The following TRIM67 variants were observed in gnomAD, a reference collection of about 807,000 sequenced individuals.
The protein encoded by TRIM67 is tripartite motif containing 67.
A neutral mutation model predicts 71.0 loss-of-function variants in TRIM67; 39 were observed. That is an observed-to-expected ratio of 0.55 (90% CI 0.43 to 0.72). TRIM67 has a LOEUF of 0.72. TRIM67 is among the 30% of genes least tolerant of loss of function. The pLI is 0.00. For synonymous variants in TRIM67, 481 were observed against 473.9 expected, an observed-to-expected ratio of 1.01 and a Z score of -0.19; for missense variants, 973 against 1,079.2, an observed-to-expected ratio of 0.90 and a Z score of 1.38.
Position 231,163,617 on chromosome 1 carries a change from A to G in TRIM67, c.648A>G (p.Pro216=), listed in dbSNP as rs1571863712. The change falls in exon 1 of 10, where the codon CCA becomes CCG. Residue 216 remains proline (P), a synonymous_variant. Coordinates refer to ENST00000366653, the MANE Select transcript of TRIM67 (RefSeq NM_001004342.5). ...AICQLCDRTP[P]EPAATLCEQC... ...GCCAGCTGTGCGACCGCACCCCGCC[A>G]GAGCCAGCAGCCACGCTCTGCGAGC... 1.3e-6 allele frequency: 2 copies of G among 1,519,052 alleles called. No individual in the cohort carries two copies. The highest frequency in any genetic ancestry group is 1.8e-6 in the Non-Finnish European group (2 of 1,136,850). 94.1% of individuals were successfully genotyped at this position (1,519,052 alleles called of 1,614,324 possible).
rs751741036 is a variant in TRIM67, at chr1:231,163,755, G to A, written c.786G>A (p.Glu262=). The stretch of plus-strand genomic sequence containing the variant: ...CGCCGCCGCCGCCGCCGCCCGCCGA[G>A]GCAGCCTCCGGGCCCACTGGCACCG... ...QPPPPPPPPA[E]AASGPTGTAQ... Residue 262 remains glutamate (E), a synonymous_variant, in exon 1 of 10, where the codon GAG becomes GAA. Transcript: ENST00000366653. 3.3e-6 allele frequency: 5 copies of A among 1,492,834 alleles called. No homozygotes were observed. In the South Asian group the frequency reaches 5.1e-5, roughly 15 times the overall value. 92.5% of individuals were successfully genotyped at this position (1,492,834 alleles called of 1,614,324 possible).
Position 231,163,560 on chromosome 1 carries a change from G to A in TRIM67, c.591G>A (p.Pro197=), listed in dbSNP as rs528968350. Reference sequence around the variant, plus strand: ...ACCAGCAGGGCCGCGGGGCCGTGCCGGGGACGTCTGCAGCCGCGGCGGTGG... The same window carrying A: ...ACCAGCAGGGCCGCGGGGCCGTGCCAGGGACGTCTGCAGCCGCGGCGGTGG... ...QRYQQGRGAV[P]GTSAAAAVAI... Residue 197 remains proline, a synonymous_variant, in exon 1 of 10, where the codon CCG becomes CCA. Coordinates refer to ENST00000366653, the MANE Select transcript of TRIM67 (RefSeq NM_001004342.5). 4.0e-5 allele frequency: 60 copies of A among 1,512,620 alleles called. No individual in the cohort carries two copies. The Admixed American group carries it at 6.2e-4, about 16-fold the overall frequency. The allele number at this position is 1,512,620 out of a possible 1,614,324, so 93.7% of individuals were successfully genotyped here. A position where few individuals can be genotyped will look rare whatever the true frequency, so the allele number is the denominator to read the frequency against.
chr1:231,171,296 A>G (rs1396396861), intron 1 of TRIM67, among the ~76,000 whole-genome samples: 1 of 152,182 alleles, frequency 6.6e-6, no homozygotes, highest in Non-Finnish European at 1.5e-5. Flanking sequence ...AGGGGTGGGA[A>G]GTGTCTGCAA....
intron 8 of TRIM67, 46 bp from the exon 9 acceptor site, chr1:231,213,769 C>G (rs1214285517): frequency 1.3e-6 from 2 of 1,530,740 alleles, no homozygotes; most frequent in East Asian, 4.6e-5. Context: ...TCACCTACAT[C>G]CCAGGCTGGG....
In TRIM67 at chr1:231,220,082, C is replaced by T. The variant is rs1215290296; in HGVS notation, c.*4642C>T. 5 of 695,832 alleles carry T rather than the reference C, an allele frequency of 7.2e-6. No homozygotes were observed. Among genetic ancestry groups the T allele is most frequent in the Non-Finnish European group, 1.1e-5 (5 of 467,058 alleles). The allele number at this position is 695,832 out of a possible 1,614,324, so 43.1% of individuals were successfully genotyped here. On this transcript the variant is annotated 3_prime_UTR_variant, in exon 10 of 10. Transcript: ENST00000366653. Reference sequence around the variant, plus strand: ...CCTCTGATGTATTGTGAGGATTATACAATAACATTTTTAAAGAAAAAAAGT... The same window carrying T: ...CCTCTGATGTATTGTGAGGATTATATAATAACATTTTTAAAGAAAAAAAGT...
intron 1 of TRIM67, among the ~76,000 whole-genome samples, chr1:231,191,967 G>C (rs1683241295): frequency 6.6e-6 from 1 of 152,224 alleles, no homozygotes; most frequent in Admixed American, 6.5e-5. Flanking sequence ...AGCGTGCAGT[G>C]GGGCAGCAGG....
intron 7 of TRIM67, among the ~76,000 whole-genome samples, chr1:231,208,710 C>T (rs1683779323): frequency 1.3e-5 from 2 of 152,142 alleles, no homozygotes; most frequent in South Asian, 2.1e-4. Context: ...CCTGAAAATC[C>T]TTGGCAAGGC....
intron 5 of TRIM67, among the ~76,000 whole-genome samples, chr1:231,202,086 GCT>G (rs1683547738): frequency 2.5e-4 from 24 of 95,176 alleles, no homozygotes; most frequent in Non-Finnish European, 2.8e-4. Flanking sequence ...GGAGGTGGTG[GCT>G]AAGATAATGG....
chr1:231,199,150 A>C lies in TRIM67; in HGVS notation c.1244A>C (p.Glu415Ala). The change falls in exon 3 of 10, where the codon GAG (glutamate) becomes GCG (alanine). Residue 415 changes from glutamate to alanine, a missense_variant. Glu to Ala is a moderately radical substitution (Grantham distance 107). Transcript: ENST00000366653. ...AAGCTGCTCACCAAGGTGACTAAAG[A>C]GAGGGAACACAAGTTGAAGGTAGGT... Reference protein sequence around the residue: ...KAKLLTKVTKEREHKLKMVWD... With the variant: ...KAKLLTKVTKAREHKLKMVWD... 2 of 1,614,012 alleles carry C rather than the reference A, an allele frequency of 1.2e-6. No homozygotes were observed. The highest frequency in any genetic ancestry group is 1.7e-6 in the Non-Finnish European group (2 of 1,179,880).
At chr1:231,193,892 G>A (rs1043945637) in intron 1 of TRIM67, among the ~76,000 whole-genome samples, 1 of 152,174 alleles carries the variant, frequency 6.6e-6, no homozygotes, top group Non-Finnish European at 1.5e-5. Flanking sequence ...AGACACTCAT[G>A]CGGATCCACC....
rs1487995012 is a variant in TRIM67, at chr1:231,207,124, C to A, written c.1819+334C>A. ...CACACACAGCTCTTTGCTGCACCCA[C>A]ATGGCCTACAAGCCACGAAAGAAAC... On this transcript the variant is annotated intron_variant, in intron 7 of 9. Coordinates refer to ENST00000366653, the MANE Select transcript of TRIM67 (RefSeq NM_001004342.5). Among the ~76,000 whole-genome samples, 10 of 152,304 alleles carry A rather than the reference C, an allele frequency of 6.6e-5. No individual in the cohort carries two copies. In the East Asian group the frequency reaches 1.9e-3, roughly 29 times the overall value.
intron 1 of TRIM67, among the ~76,000 whole-genome samples, chr1:231,195,556 C>T (rs983862123): frequency 8.5e-5 from 13 of 152,240 alleles, no homozygotes; most frequent in Non-Finnish European, 1.6e-4. Flanking sequence ...CTCCAAGGAG[C>T]TGCACCTCCG....
chr1:231,176,825 A>G (rs1682759967), intron 1 of TRIM67, among the ~76,000 whole-genome samples: 1 of 150,340 alleles, frequency 6.7e-6, no homozygotes, highest in South Asian at 2.1e-4. Flanking sequence ...TTCAGTGAAG[A>G]ACAGGAATAG....
chr1:231,174,991 C>T (rs887995694), intron 1 of TRIM67, among the ~76,000 whole-genome samples: 1 of 152,206 alleles, frequency 6.6e-6, no homozygotes, highest in Non-Finnish European at 1.5e-5. Flanking sequence ...AAACTGAATG[C>T]TGCTTGGAAA....
rs902313787 is a variant in TRIM67 at position 231,201,645 on chromosome 1, G to A, written c.1534+128G>A. 75 of 1,207,248 alleles carry A rather than the reference G, an allele frequency of 6.2e-5. No homozygotes were observed. The East Asian group carries it at 1.7e-3, about 27-fold the overall frequency. The allele number at this position is 1,207,248 out of a possible 1,614,324, so 74.8% of individuals were successfully genotyped here. On this transcript the variant is annotated intron_variant, in intron 5 of 9. Coordinates refer to ENST00000366653, the MANE Select transcript of TRIM67 (RefSeq NM_001004342.5). ...TGTGGCAGGGTGGGAGAGCAGGAGCGCCAGAGTCACGGACCTAGGTTCAAG... is the reference window on the plus strand; with the variant it reads ...TGTGGCAGGGTGGGAGAGCAGGAGCACCAGAGTCACGGACCTAGGTTCAAG...
chr1:231,211,048 A>ATT (rs141477364), intron 8 of TRIM67, among the ~76,000 whole-genome samples: 2,546 of 131,476 alleles, frequency 0.019, 41 homozygotes, highest in South Asian at 0.044. Context: ...ATATATATAT[A>ATT]TATTTTGTTT....
At position 231,216,473 on chromosome 1, in the gene TRIM67, G is replaced by A; in HGVS notation, c.*1033G>A. 1.0e-6 allele frequency: 1 copy of A among 985,492 alleles called. No individual in the cohort carries two copies. Among genetic ancestry groups the A allele is most frequent in the Non-Finnish European group, 1.2e-6 (1 of 829,960 alleles). 61.0% of individuals were successfully genotyped at this position (985,492 alleles called of 1,614,324 possible). ...GAAAATGCATCCAGATTGCTCTTCT[G>A]AGCTGAACCACTCTCAGACTCATAA... is the stretch of plus-strand genomic sequence containing the variant. On this transcript the variant is annotated 3_prime_UTR_variant, in exon 10 of 10. Transcript: ENST00000366653.
chr1:231,185,950 A>C, intron 1 of TRIM67: 1 of 735,374 alleles, frequency 1.4e-6, no homozygotes, highest in South Asian at 1.7e-5. Context: ...AACGGCCGTG[A>C]CAGCCGGGAC....
In TRIM67 at chr1:231,218,497, C is replaced by T. The variant is rs1298728664; in HGVS notation, c.*3057C>T. The T allele has an allele frequency of 7.1e-6, 7 of 985,478 alleles. No homozygotes were observed. Among genetic ancestry groups the T allele is most frequent in the Non-Finnish European group, 8.4e-6 (7 of 829,954 alleles). 61.0% of individuals were successfully genotyped at this position (985,478 alleles called of 1,614,324 possible). ...TGCCTTTTCCTTTTAAAATTAATCT[C>T]TTCCGAAAATATCCACTAGCACCTC... On this transcript the variant is annotated 3_prime_UTR_variant, in exon 10 of 10. Transcript: ENST00000366653.
Sources: allele counts gnomAD v4.1 joint callset (sites outside exome capture counted in the v4.1 genomes callset), GRCh38; gene constraint gnomAD v4.1.1; transcripts MANE v1.5; gene names NCBI Gene and HGNC (gene_info 2026-07-23, HGNC 2026-07-21).